CALML4: variants seen among roughly 807,000 people sequenced by gnomAD.
The protein encoded by CALML4 is calmodulin-like protein 4.
Under a neutral mutation model 17.9 loss-of-function variants are expected in CALML4, and 16 were observed. That is an observed-to-expected ratio of 0.89 (90% CI 0.61 to 1.36). The LOEUF (loss-of-function observed/expected upper bound fraction) is 1.36, where lower values mean the gene tolerates loss of function less well. Ranked by LOEUF, CALML4 falls within the 40% of genes most tolerant of loss-of-function variation. The pLI, the probability that CALML4 is intolerant of heterozygous loss-of-function variation, is 0.00. For synonymous variants in CALML4, 86 were observed against 71.5 expected (o/e 1.20, Z -1.02); for missense variants, 203 against 194.8 (o/e 1.04, Z -0.25).
At chr15:68,205,697 A>G, upstream of CALML4, 1 of 320,864 alleles carries the variant, frequency 3.1e-6, no homozygotes. The surrounding 1 kb of genome is among the most constrained non-coding windows in gnomAD (Gnocchi z 4.8). Flanking sequence ...GAGGAAGGGA[A>G]CCCTTCCAAG....
intron 4 of CALML4, among the ~76,000 whole-genome samples, chr15:68,195,617 C>T (rs2093140954): frequency 6.6e-6 from 1 of 152,162 alleles, no homozygotes; most frequent in South Asian, 2.1e-4. Flanking sequence ...AAAGTCAGCC[C>T]ATCCCAGGCC....
rs959721674 is a variant in CALML4, at chr15:68,205,331, C to G, written c.-84G>C. ...TTTCCTCCAGCCTCAAGTCTAAAGT[C>G]TGCCAAGCTGGGTGGAGGCCCGGGT... On this transcript the variant is annotated 5_prime_UTR_variant, in exon 1 of 5. Coordinates refer to ENST00000467889, the MANE Select transcript of CALML4 (RefSeq NM_033429.3). The surrounding 1 kb of genome is among the most constrained non-coding windows in gnomAD (Gnocchi z 4.8). 1.2e-6 allele frequency: 2 copies of G among 1,614,118 alleles called. No individual in the cohort carries two copies. The highest frequency in any genetic ancestry group is 1.7e-6 in the Non-Finnish European group (2 of 1,180,036).
chr15:68,205,295 G>A lies in CALML4; in HGVS notation c.-48C>T, dbSNP rs3803381. ...GTGGGCTTGCTGCTCCCAGAACCGCGTTCAGTTCCCTTTCCTCCAGCCTCA... is the reference window on the plus strand; with the variant it reads ...GTGGGCTTGCTGCTCCCAGAACCGCATTCAGTTCCCTTTCCTCCAGCCTCA... On this transcript the variant is annotated 5_prime_UTR_variant, in exon 1 of 5. The change creates a new upstream start codon in the 5' untranslated region. Transcript: ENST00000467889. The surrounding 1 kb of genome is among the most constrained non-coding windows in gnomAD (Gnocchi z 4.8). The A allele has an allele frequency of 4.0e-4, 645 of 1,614,116 alleles. 2 individuals carry two copies. The East Asian group carries it at 5.2e-3, about 13-fold the overall frequency.
chr15:68,202,641 A>C (rs1340887297), intron 2 of CALML4, among the ~76,000 whole-genome samples: 2 of 129,446 alleles, frequency 1.5e-5, no homozygotes, highest in East Asian at 5.1e-4. Flanking sequence ...GAGTTTTGCC[A>C]ACTTTTTTTT....
intron 3 of CALML4, chr15:68,198,549 T>TA (rs2093154048): frequency 7.2e-5 from 11 of 152,214 alleles, no homozygotes. Flanking sequence ...CTGAAACTAC[T>TA]TTTTTTCTTA....
chr15:68,205,377 G>A (rs2093179795), upstream of CALML4: 1 of 1,613,644 alleles, frequency 6.2e-7, no homozygotes, highest in African/African-American at 1.3e-5. The surrounding 1 kb of genome is among the most constrained non-coding windows in gnomAD (Gnocchi z 4.8). Context: ...CGGCTGCCAT[G>A]GAGACTGGGC....
In CALML4 at chr15:68,192,499, G is replaced by T. The variant is rs1435806979; in HGVS notation, c.*1516C>A. The T allele has an allele frequency of 6.6e-6, 1 of 152,084 alleles. No homozygotes were observed. The highest frequency in any genetic ancestry group is 1.5e-5 in the Non-Finnish European group (1 of 68,070). The allele number at this position is 152,084 out of a possible 1,614,324, so 9.4% of individuals were successfully genotyped here. A position where few individuals can be genotyped will look rare whatever the true frequency, so the allele number is the denominator to read the frequency against. On this transcript the variant is annotated 3_prime_UTR_variant, in exon 5 of 5. Transcript: ENST00000467889. ...CACAACTTCACCTAGTTGGCATTTG[G>T]GCCATTTATTTACCCTCACCCCACA...
rs1056215598 is a variant in CALML4, at chr15:68,193,056, G to A, written c.*959C>T. ...AGTGCTCCTACTACTGTTTTCCAGG[G>A]CTGTTGTACCCTGGCCATTGCTGGT... On this transcript the variant is annotated 3_prime_UTR_variant, in exon 5 of 5. Coordinates refer to ENST00000467889, the MANE Select transcript of CALML4 (RefSeq NM_033429.3). 2 of 152,262 alleles carry A rather than the reference G, an allele frequency of 1.3e-5. No individual in the cohort carries two copies. Among genetic ancestry groups the A allele is most frequent in the Admixed American group, 6.5e-5 (1 of 15,284 alleles). The allele number at this position is 152,262 out of a possible 1,614,324, so 9.4% of individuals were successfully genotyped here.
At chr15:68,199,014 T>C (rs184823036) in intron 3 of CALML4, among the ~76,000 whole-genome samples, 33 of 151,994 alleles carry the variant, frequency 2.2e-4, no homozygotes, top group African/African-American at 7.5e-4. Context: ...ATGCAAAAAT[T>C]AGCTAGGCGT....
intron 4 of CALML4, among the ~76,000 whole-genome samples, chr15:68,195,368 T>C (rs550842813): frequency 6.6e-6 from 1 of 152,338 alleles, no homozygotes; most frequent in South Asian, 2.1e-4. Context: ...TGAGTATTTA[T>C]TGGGAGAATG....
In CALML4 at chr15:68,204,299, C is replaced by T. The variant is rs1319393541; in HGVS notation, c.34+822G>A. Among the ~76,000 whole-genome samples the T allele has an allele frequency of 6.6e-6, 1 of 152,166 alleles. No homozygotes were observed. Reference sequence around the variant, plus strand: ...TGCCTGTAATTTTATCTCCAGTGGTCAGCGAAGGACTCACTGAGAAGGCGA... The same window carrying T: ...TGCCTGTAATTTTATCTCCAGTGGTTAGCGAAGGACTCACTGAGAAGGCGA... On this transcript the variant is annotated intron_variant, in intron 2 of 4. Transcript: ENST00000467889. The surrounding 1 kb of genome is among the most constrained non-coding windows in gnomAD (Gnocchi z 6.0).
At chr15:68,203,085 G>C (rs904632360) in intron 2 of CALML4, among the ~76,000 whole-genome samples, 2 of 133,716 alleles carry the variant, frequency 1.5e-5, no homozygotes, top group African/African-American at 5.9e-5. Flanking sequence ...AAAGTGCTGG[G>C]ATTACAGGCA....
chr15:68,197,723 G>T lies in CALML4; in HGVS notation c.176-95C>A. 1.8e-6 allele frequency: 2 copies of T among 1,130,908 alleles called. No individual in the cohort carries two copies. Among genetic ancestry groups the T allele is most frequent in the Non-Finnish European group, 2.6e-6 (2 of 782,990 alleles). The allele number at this position is 1,130,908 out of a possible 1,614,324, so 70.1% of individuals were successfully genotyped here. ...GCTGGACCTGCACAGCCGGTTCAAG[G>T]TCAACTGACCAGGGAATGCCAGGAT... On this transcript the variant is annotated intron_variant, in intron 3 of 4. Transcript: ENST00000467889. This position sits in a 1 kb window ranked among gnomAD's most constrained non-coding sequence, Gnocchi z 4.1.
In CALML4 at chr15:68,204,701, G is replaced by A. The variant is rs539591123; in HGVS notation, c.34+420C>T. ...TCCATTTTACAGATAGGGAGACTGA[G>A]GCGCAGAGAGTAGACGCATCCTGCC... On this transcript the variant is annotated intron_variant, in intron 2 of 4. Transcript: ENST00000467889. The surrounding 1 kb of genome is among the most constrained non-coding windows in gnomAD (Gnocchi z 6.0). Among the ~76,000 whole-genome samples, 1 of 152,306 alleles carries A rather than the reference G, an allele frequency of 6.6e-6. No homozygotes were observed. The highest frequency in any genetic ancestry group is 1.9e-4 in the East Asian group (1 of 5,190).
rs2093162158 is a variant in CALML4, at chr15:68,200,514, TGGGAGGCCCAG to T, written c.35-844_35-834del. On this transcript the variant is annotated intron_variant, in intron 2 of 4. Coordinates refer to ENST00000467889, the MANE Select transcript of CALML4 (RefSeq NM_033429.3). This position sits in a 1 kb window ranked among gnomAD's most constrained non-coding sequence, Gnocchi z 4.3. ...CAGCCATCCCACGGGCTCCCGGCCC[TGGGAGGCCCAG>T]GAAGGCCAGCTGGGAGTTCAGGAAA... 6.6e-6 allele frequency among the ~76,000 whole-genome samples: 1 copy of T among 152,184 alleles called. No homozygotes were observed. Among genetic ancestry groups the T allele is most frequent in the Non-Finnish European group, 1.5e-5 (1 of 68,020 alleles).
chr15:68,205,558 C>G (rs1013880890), upstream of CALML4: 17 of 707,124 alleles, frequency 2.4e-5, no homozygotes, highest in East Asian at 4.7e-4. This position sits in a 1 kb window ranked among gnomAD's most constrained non-coding sequence, Gnocchi z 4.8. Context: ...TTCCCGGGAG[C>G]CCTGGACTCC....
rs1325480515 is a variant in CALML4, at chr15:68,192,962, C to G, written c.*1053G>C. ...GGCACCTCTGAATCTCTGGCAGCAC[C>G]AACCTGGCACCTTCTAGCTGTGTAA... On this transcript the variant is annotated 3_prime_UTR_variant, in exon 5 of 5. Transcript: ENST00000467889. 6.6e-6 allele frequency: 1 copy of G among 152,228 alleles called. No homozygotes were observed. The highest frequency in any genetic ancestry group is 2.4e-5 in the African/African-American group (1 of 41,446). The allele number at this position is 152,228 out of a possible 1,614,324, so 9.4% of individuals were successfully genotyped here.
chr15:68,194,126 CATTT>C lies in CALML4; in HGVS notation c.365-18_365-15del, dbSNP rs2093132501. 6.2e-7 allele frequency: 1 copy of C among 1,603,820 alleles called. No individual in the cohort carries two copies. ...AGAGATCATCCACTGCAATAAATCA[CATTT>C]AATTTTTCAGTTTGGCTTTAGTGTT... On this transcript the variant is annotated splice_polypyrimidine_tract_variant and intron_variant, in intron 4 of 4. Coordinates refer to ENST00000467889, the MANE Select transcript of CALML4 (RefSeq NM_033429.3).
In CALML4 at chr15:68,193,713, G is replaced by C. The variant is rs763878164; in HGVS notation, c.*302C>G. 1.1e-4 allele frequency: 34 copies of C among 308,324 alleles called. No individual in the cohort carries two copies. The highest frequency in any genetic ancestry group is 1.9e-4 in the Non-Finnish European group (32 of 164,498). The allele number at this position is 308,324 out of a possible 1,614,324, so 19.1% of individuals were successfully genotyped here. ...GTGAAATGATTTGCCCAAAGTCACAGTGGGAAGCAGCAGAGCCAGGACTGG... is the reference window on the plus strand; with the variant it reads ...GTGAAATGATTTGCCCAAAGTCACACTGGGAAGCAGCAGAGCCAGGACTGG... On this transcript the variant is annotated 3_prime_UTR_variant, in exon 5 of 5. Coordinates refer to ENST00000467889, the MANE Select transcript of CALML4 (RefSeq NM_033429.3).
Sources: allele counts gnomAD v4.1 joint callset (sites outside exome capture counted in the v4.1 genomes callset), GRCh38; gene constraint gnomAD v4.1.1; non-coding constraint Gnocchi (gnomAD v3.1); transcripts MANE v1.5; gene names NCBI Gene and HGNC (gene_info 2026-07-23, HGNC 2026-07-21).